The following BMPER variants were observed in gnomAD, a reference collection of about 807,000 sequenced individuals.
BMPER encodes the protein BMP-binding endothelial regulator protein.
A neutral mutation model predicts 87.3 loss-of-function variants in BMPER; 45 were observed. The observed-to-expected ratio is 0.52, with a 90% confidence interval of 0.41 to 0.66. BMPER has a LOEUF of 0.66. Among genes scored for constraint, BMPER ranks in the 30% least tolerant of loss-of-function variants. The pLI is 0.00. For synonymous variants in BMPER, 326 were observed against 316.2 expected (o/e 1.03, Z -0.33); for missense variants, 784 against 867.5 (o/e 0.90, Z 1.21).
Position 33,998,811 on chromosome 7 carries a change from C to T in BMPER, c.576+24027C>T, listed in dbSNP as rs540376573. ...AGATGACAGAGTCTGGCGCAGTGGC[C>T]GACCTGCTCATCAGAGGAGAGGCCA... On this transcript the variant is annotated intron_variant, in intron 6 of 14. Transcript: ENST00000649409. 1.3e-3 allele frequency among the ~76,000 whole-genome samples: 195 copies of T among 152,310 alleles called. 1 individual carries two copies. Among genetic ancestry groups the T allele is most frequent in the African/African-American group, 4.5e-3 (188 of 41,566 alleles).
chr7:33,920,128 G>A (rs1044437793), intron 2 of BMPER, among the ~76,000 whole-genome samples: 1 of 152,150 alleles, frequency 6.6e-6, no homozygotes, highest in Non-Finnish European at 1.5e-5. Flanking sequence ...CAATTCTGTT[G>A]CCCGATCTAT....
intron 6 of BMPER, among the ~76,000 whole-genome samples, chr7:33,994,268 C>G (rs531972347): frequency 6.6e-6 from 1 of 151,526 alleles, no homozygotes; most frequent in Admixed American, 6.6e-5. Context: ...TAGCAATCAG[C>G]GAGACTCCGT....
At chr7:33,955,510 G>A (rs1785128120) in intron 3 of BMPER, among the ~76,000 whole-genome samples, 1 of 152,012 alleles carries the variant, frequency 6.6e-6, no homozygotes, top group Non-Finnish European at 1.5e-5. Context: ...GTTTTCACAG[G>A]CCCCCTAGGA....
intron 6 of BMPER, among the ~76,000 whole-genome samples, chr7:34,016,124 A>G (rs1470268654): frequency 1.3e-5 from 2 of 151,942 alleles, no homozygotes; most frequent in Non-Finnish European, 2.9e-5. Context: ...TATTGTGCTG[A>G]TGAAAACTTT....
intron 12 of BMPER, among the ~76,000 whole-genome samples, chr7:34,085,503 G>A (rs563983319): frequency 6.6e-6 from 1 of 152,186 alleles, no homozygotes; most frequent in South Asian, 2.1e-4. Context: ...GTCAAACCAG[G>A]GGTACATAGG....
At chr7:33,905,784 G>C (rs185084343) in intron 1 of BMPER, 38 bp downstream of exon 1, 22,572 of 1,559,578 alleles carry the variant, frequency 0.014, 221 homozygotes, top group South Asian at 0.017. Context: ...CCTCCGGGAC[G>C]CCGGTTTGGT....
At chr7:33,992,577 C>T (rs1206145379) in intron 6 of BMPER, among the ~76,000 whole-genome samples, 4 of 148,992 alleles carry the variant, frequency 2.7e-5, no homozygotes, top group African/African-American at 9.9e-5. Context: ...ATCCAATTTG[C>T]CAGTCTGTGT....
At chr7:34,071,430 G>C (rs998390252) in intron 11 of BMPER, among the ~76,000 whole-genome samples, 11 of 152,190 alleles carry the variant, frequency 7.2e-5, no homozygotes, top group African/African-American at 2.7e-4. Flanking sequence ...TAAGCCTTAA[G>C]TGGCAAAATC....
chr7:34,110,099 G>A (rs1789921103), intron 13 of BMPER, among the ~76,000 whole-genome samples: 2 of 152,188 alleles, frequency 1.3e-5, no homozygotes, highest in African/African-American at 4.8e-5. Flanking sequence ...TGAACTGTGT[G>A]TCAAGGTTTC....
chr7:33,921,480 GCT>G (rs1460144591), intron 2 of BMPER, among the ~76,000 whole-genome samples: 5 of 152,202 alleles, frequency 3.3e-5, no homozygotes, highest in African/African-American at 1.2e-4. Flanking sequence ...AGTCCACAGA[GCT>G]CTCTTTCAGA....
intron 3 of BMPER, among the ~76,000 whole-genome samples, chr7:33,959,047 C>T (rs1785211015): frequency 6.6e-6 from 1 of 152,152 alleles, no homozygotes; most frequent in Non-Finnish European, 1.5e-5. Context: ...TCCTTTTGCT[C>T]TTCCTTCATC....
rs144421791 is a variant in BMPER, at chr7:33,922,789, G to A, written c.220-14500G>A. ...TTAGCTAACGGGCTAGCTTGGAGCA[G>A]TGTCAAGTGTTCAGGTGGGGGTTAG... On this transcript the variant is annotated intron_variant, in intron 2 of 14. Transcript: ENST00000649409. 3.4e-4 allele frequency among the ~76,000 whole-genome samples: 52 copies of A among 152,320 alleles called. 1 individual carries two copies. In the East Asian group the frequency reaches 0.01, roughly 29 times the overall value.
intron 6 of BMPER, among the ~76,000 whole-genome samples, chr7:33,990,543 C>T (rs1786178566): frequency 6.6e-6 from 1 of 150,776 alleles, no homozygotes; most frequent in South Asian, 2.1e-4. Flanking sequence ...TCTAGATATA[C>T]AATCATGTCA....
chr7:33,971,695 T>A (rs1425282792), intron 5 of BMPER, among the ~76,000 whole-genome samples: 2 of 152,058 alleles, frequency 1.3e-5, no homozygotes, highest in African/African-American at 4.8e-5. Flanking sequence ...CTTAAAAAAA[T>A]CAATCTTGAT....
At chr7:34,128,680 A>C (rs1370282990) in intron 13 of BMPER, among the ~76,000 whole-genome samples, 1 of 152,218 alleles carries the variant, frequency 6.6e-6, no homozygotes, top group African/African-American at 2.4e-5. Context: ...ATGGAAGCTG[A>C]AATAGAATAG....
At chr7:34,131,003 G>A (rs1250705524) in intron 13 of BMPER, among the ~76,000 whole-genome samples, 1 of 152,078 alleles carries the variant, frequency 6.6e-6, no homozygotes, top group East Asian at 1.9e-4. Context: ...GTGTTCTGGG[G>A]CCTTTTAGGC....
intron 6 of BMPER, among the ~76,000 whole-genome samples, chr7:33,979,392 G>C (rs548269919): frequency 1.1e-4 from 16 of 151,664 alleles, no homozygotes; most frequent in African/African-American, 3.6e-4. Context: ...AGAAGCAACT[G>C]TTTTCTCTTT....
chr7:34,105,578 G>A (rs1217436853), intron 13 of BMPER, among the ~76,000 whole-genome samples: 1 of 152,218 alleles, frequency 6.6e-6, no homozygotes, highest in Non-Finnish European at 1.5e-5. Flanking sequence ...TTTTCCAATG[G>A]AGGATGAAAT....
chr7:33,947,564 T>G (rs1283035572), intron 3 of BMPER, among the ~76,000 whole-genome samples: 1 of 152,192 alleles, frequency 6.6e-6, no homozygotes, highest in African/African-American at 2.4e-5. Context: ...TCCTGTGATG[T>G]CTCATGAAGA....
Sources: gnomAD v4.1 joint callset for allele counts (sites outside exome capture counted in the v4.1 genomes callset) on GRCh38, gnomAD v4.1.1 for gene constraint, MANE v1.5 for transcripts, NCBI Gene and HGNC (gene_info 2026-07-23, HGNC 2026-07-21) for gene names.